The following GNG12 variants were observed in gnomAD, a reference collection of about 807,000 sequenced individuals.
GNG12 encodes guanine nucleotide-binding protein G(I)/G(S)/G(O) subunit gamma-12.
For synonymous variants in GNG12, 28 were observed against 29.7 expected, an observed-to-expected ratio of 0.94 and a Z score of 0.19; for missense variants, 69 against 83.8, an observed-to-expected ratio of 0.82 and a Z score of 0.69.
At position 67,757,183 on chromosome 1, in the gene GNG12, T is replaced by G. The variant is rs72684527; in HGVS notation, c.-27+20275A>C. 3.3e-5 allele frequency among the ~76,000 whole-genome samples: 5 copies of G among 152,320 alleles called. No individual in the cohort carries two copies. In the South Asian group the frequency reaches 1.0e-3, roughly 32 times the overall value. On this transcript the variant is annotated intron_variant, in intron 2 of 3. Coordinates refer to ENST00000370982, the MANE Select transcript of GNG12 (RefSeq NM_018841.6). ...GCATATAGGCCTTATACACAGAGCC[T>G]GAAGGTAATTTTATATACTTTAAAT...
rs12095656 is a variant in GNG12 at position 67,803,434 on chromosome 1, A to G, written c.-76-25927T>C. Reference sequence around the variant, plus strand: ...GACAATGAAAAAAAGGTTGAGAAGCACTGATCTGGAGGAAGGTGATTCGGT... The same window carrying G: ...GACAATGAAAAAAAGGTTGAGAAGCGCTGATCTGGAGGAAGGTGATTCGGT... On this transcript the variant is annotated intron_variant, in intron 1 of 3. Transcript: ENST00000370982. Among the ~76,000 whole-genome samples, 485 of 152,318 alleles carry G rather than the reference A, an allele frequency of 3.2e-3. 2 individuals carry two copies. The highest frequency in any genetic ancestry group is 0.011 in the African/African-American group (465 of 41,568).
At chr1:67,779,562 A>G (rs1395845743) in intron 1 of GNG12, among the ~76,000 whole-genome samples, 1 of 152,044 alleles carries the variant, frequency 6.6e-6, no homozygotes, top group Admixed American at 6.6e-5. Flanking sequence ...TCTGCCCAAC[A>G]TGTCCTTTCC....
intron 2 of GNG12, among the ~76,000 whole-genome samples, chr1:67,761,568 C>G (rs552925229): frequency 2.0e-5 from 3 of 152,264 alleles, no homozygotes; most frequent in African/African-American, 7.2e-5. Context: ...AACAACATTG[C>G]TTTGGGGTAA....
At chr1:67,773,164 C>A (rs765161783) in intron 2 of GNG12, among the ~76,000 whole-genome samples, 1 of 152,298 alleles carries the variant, frequency 6.6e-6, no homozygotes, top group Non-Finnish European at 1.5e-5. Context: ...AAAGGAAATT[C>A]TCCTTCACGG....
chr1:67,712,657 C>T (rs562087404), intron 2 of GNG12, among the ~76,000 whole-genome samples: 27 of 152,152 alleles, frequency 1.8e-4, no homozygotes, highest in African/African-American at 6.3e-4. Flanking sequence ...CATACCATTG[C>T]ACCCCAGCCT....
In GNG12 at chr1:67,705,047, T is replaced by C. The variant is rs1448489971; in HGVS notation, c.*404A>G. 6.1e-6 allele frequency: 1 copy of C among 163,210 alleles called. No individual in the cohort carries two copies. The highest frequency in any genetic ancestry group is 2.4e-5 in the African/African-American group (1 of 41,558). 10.1% of individuals were successfully genotyped at this position (163,210 alleles called of 1,614,324 possible). On this transcript the variant is annotated 3_prime_UTR_variant, in exon 4 of 4. Coordinates refer to ENST00000370982, the MANE Select transcript of GNG12 (RefSeq NM_018841.6). Reference sequence around the variant, plus strand: ...ACTATACAGGCTGGCACACGCCTTATAAAGAATATAATATCAAGGCTTTAG... The same window carrying C: ...ACTATACAGGCTGGCACACGCCTTACAAAGAATATAATATCAAGGCTTTAG...
intron 2 of GNG12, among the ~76,000 whole-genome samples, chr1:67,709,185 G>C (rs1416352454): frequency 6.6e-6 from 1 of 152,182 alleles, no homozygotes; most frequent in Non-Finnish European, 1.5e-5. Flanking sequence ...TTTTTGGGGG[G>C]ATTCAATTTA....
At chr1:67,727,831 G>C (rs941647991) in intron 2 of GNG12, among the ~76,000 whole-genome samples, 4 of 152,122 alleles carry the variant, frequency 2.6e-5, no homozygotes, top group African/African-American at 9.7e-5. Context: ...TTCTACTTGT[G>C]GTCTTGCATG....
intron 1 of GNG12, among the ~76,000 whole-genome samples, chr1:67,822,515 A>G (rs942492117): frequency 6.6e-6 from 1 of 152,298 alleles, no homozygotes; most frequent in African/African-American, 2.4e-5. Flanking sequence ...ATTGATTGAG[A>G]TAAGTGCTAG....
At chr1:67,819,778 C>T (rs895510094) in intron 1 of GNG12, among the ~76,000 whole-genome samples, 2 of 152,154 alleles carry the variant, frequency 1.3e-5, no homozygotes, top group East Asian at 1.9e-4. Context: ...CTCAAACATG[C>T]GAAGCTTATT....
intron 2 of GNG12, among the ~76,000 whole-genome samples, chr1:67,719,429 A>G (rs554122537): frequency 6.6e-6 from 1 of 152,336 alleles, no homozygotes; most frequent in African/African-American, 2.4e-5. Context: ...CTAATGCCCT[A>G]AAACTGTATG....
intron 2 of GNG12, among the ~76,000 whole-genome samples, chr1:67,739,980 A>AT (rs1178859598): frequency 6.6e-6 from 1 of 152,260 alleles, no homozygotes; most frequent in Non-Finnish European, 1.5e-5. Flanking sequence ...TCACTACAGT[A>AT]TTATTTAACG....
intron 2 of GNG12, among the ~76,000 whole-genome samples, chr1:67,745,859 T>C (rs1646504447): frequency 6.6e-6 from 1 of 152,216 alleles, no homozygotes; most frequent in Non-Finnish European, 1.5e-5. Flanking sequence ...CCCTAGAAGC[T>C]AAGGTTTCTG....
chr1:67,732,673 C>A (rs1646426946), intron 2 of GNG12, among the ~76,000 whole-genome samples: 1 of 152,164 alleles, frequency 6.6e-6, no homozygotes. Context: ...ATTATCACAC[C>A]TCATCACTTT....
chr1:67,751,668 G>A (rs1646539435), intron 2 of GNG12, among the ~76,000 whole-genome samples: 1 of 152,190 alleles, frequency 6.6e-6, no homozygotes, highest in Admixed American at 6.5e-5. Context: ...CCATACCTCG[G>A]CCCTTATTCC....
intron 1 of GNG12, among the ~76,000 whole-genome samples, chr1:67,819,534 T>C (rs1306788501): frequency 6.6e-6 from 1 of 152,076 alleles, no homozygotes; most frequent in South Asian, 2.1e-4. Context: ...CCCTAAACTT[T>C]CCTCCCTTCA....
In GNG12 at chr1:67,712,559, G is replaced by A. The variant is rs559479773; in HGVS notation, c.-26-4847C>T. Among the ~76,000 whole-genome samples the A allele has an allele frequency of 1.2e-3, 183 of 152,174 alleles. 1 individual carries two copies. Among genetic ancestry groups the A allele is most frequent in the African/African-American group, 4.3e-3 (177 of 41,524 alleles). On this transcript the variant is annotated intron_variant, in intron 2 of 3. Transcript: ENST00000370982. ...AACAAAAATAATTGCCAGGAGTGGTGGCACATATCTGTAGTCCCAGCTACT... is the reference window on the plus strand; with the variant it reads ...AACAAAAATAATTGCCAGGAGTGGTAGCACATATCTGTAGTCCCAGCTACT...
chr1:67,753,367 C>T (rs1646550006), intron 2 of GNG12, among the ~76,000 whole-genome samples: 1 of 151,522 alleles, frequency 6.6e-6, no homozygotes, highest in South Asian at 2.1e-4. Context: ...AAAAAAAAAC[C>T]TGAAATCTGA....
At chr1:67,818,459 GACC>G (rs1185847892) in intron 1 of GNG12, among the ~76,000 whole-genome samples, 1 of 129,910 alleles carries the variant, frequency 7.7e-6, no homozygotes, top group East Asian at 2.3e-4. Flanking sequence ...ATTCAATATG[GACC>G]AATTCTTTCA....
Sources: allele counts gnomAD v4.1 joint callset (sites outside exome capture counted in the v4.1 genomes callset), GRCh38; gene constraint gnomAD v4.1.1; transcripts MANE v1.5; gene names NCBI Gene and HGNC (gene_info 2026-07-23, HGNC 2026-07-21).